KCNAB1: variants seen among roughly 807,000 people sequenced by gnomAD.
KCNAB1 encodes the protein voltage-gated potassium channel subunit beta-1.
Under a neutral mutation model 64.6 loss-of-function variants are expected in KCNAB1, and 35 were observed. The observed-to-expected ratio is 0.54, with a 90% CI of 0.41 to 0.72. The LOEUF (loss-of-function observed/expected upper bound fraction) is 0.72, where lower values mean the gene tolerates loss of function less well. KCNAB1 is among the 30% of genes least tolerant of loss of function. KCNAB1 has a pLI of 0.00. For missense variants in KCNAB1, 401 were observed against 512.9 expected (o/e 0.78, Z 2.11); for synonymous variants, 177 against 183.8 (o/e 0.96, Z 0.30).
intron 1 of KCNAB1, among the ~76,000 whole-genome samples, chr3:156,131,736 C>A (rs764800997): frequency 6.6e-6 from 1 of 152,166 alleles, no homozygotes; most frequent in Non-Finnish European, 1.5e-5. Flanking sequence ...CACAGTGAGA[C>A]CTTGTTTCAA....
chr3:156,139,688 T>C (rs2108277099), intron 1 of KCNAB1, among the ~76,000 whole-genome samples: 1 of 142,488 alleles, frequency 7.0e-6, no homozygotes, highest in East Asian at 2.2e-4. Flanking sequence ...GCTGCTAGGG[T>C]GAAAATGGAA....
At chr3:156,235,637 A>G (rs1716800971) in intron 1 of KCNAB1, among the ~76,000 whole-genome samples, 1 of 152,200 alleles carries the variant, frequency 6.6e-6, no homozygotes, top group South Asian at 2.1e-4. Context: ...CATGGCATAC[A>G]TTAAAGAAAT....
rs1221850990 is a variant in KCNAB1, at chr3:156,534,321, A to G, written c.1171-2337A>G. Among the ~76,000 whole-genome samples the G allele has an allele frequency of 3.3e-5, 5 of 152,184 alleles. No homozygotes were observed. In the South Asian group the frequency reaches 1.0e-3, roughly 32 times the overall value. On this transcript the variant is annotated intron_variant, in intron 13 of 13. Coordinates refer to ENST00000490337, the MANE Select transcript of KCNAB1 (RefSeq NM_172160.3). ...AAGATGTGCAGGAACGAAGGGGCGT[A>G]TATAAATCAGAGCCTGACAGATGGG...
chr3:156,205,615 G>C (rs1394754310), intron 1 of KCNAB1, among the ~76,000 whole-genome samples: 3 of 152,202 alleles, frequency 2.0e-5, no homozygotes, highest in South Asian at 4.2e-4. Flanking sequence ...AAGTCCAGTT[G>C]TTTCTAACAC....
intron 1 of KCNAB1, among the ~76,000 whole-genome samples, chr3:156,277,316 TA>T: frequency 6.6e-6 from 1 of 152,268 alleles, no homozygotes; most frequent in South Asian, 2.1e-4. Context: ...GTGAAAAGTT[TA>T]AAATGTTGTG....
chr3:156,157,275 C>T (rs180752041), intron 1 of KCNAB1, among the ~76,000 whole-genome samples: 76 of 152,290 alleles, frequency 5.0e-4, no homozygotes, highest in African/African-American at 1.8e-3. Flanking sequence ...TCCTACTTAA[C>T]AGAACTCTGA....
chr3:156,459,765 T>C lies in KCNAB1; in HGVS notation c.438-62T>C, dbSNP rs1712753353. 4.3e-5 allele frequency: 54 copies of C among 1,247,292 alleles called. 3 individuals carry two copies. The South Asian group carries it at 6.7e-4, about 15-fold the overall frequency. 77.3% of individuals were successfully genotyped at this position (1,247,292 alleles called of 1,614,324 possible). On this transcript the variant is annotated intron_variant, in intron 4 of 13. Transcript: ENST00000490337. Reference sequence around the variant, plus strand: ...CAAACAAGGAATGGTTCTTGTGTTCTGGATTGACTCTTGCTTTTCCAGGAC... The same window carrying C: ...CAAACAAGGAATGGTTCTTGTGTTCCGGATTGACTCTTGCTTTTCCAGGAC...
chr3:156,131,298 A>G lies in KCNAB1; in HGVS notation c.275+10412A>G, dbSNP rs115094127. Among the ~76,000 whole-genome samples the G allele has an allele frequency of 6.6e-4, 101 of 152,352 alleles. 2 individuals are homozygous for G. The highest frequency in any genetic ancestry group is 2.3e-3 in the African/African-American group (96 of 41,588). On this transcript the variant is annotated intron_variant, in intron 1 of 13. Coordinates refer to ENST00000490337, the MANE Select transcript of KCNAB1 (RefSeq NM_172160.3). Reference sequence around the variant, plus strand: ...CCCAACAGCCTCCCCAGGTATGTGAAATGTCGTCAGATGTCAGTTTTAGAG... The same window carrying G: ...CCCAACAGCCTCCCCAGGTATGTGAGATGTCGTCAGATGTCAGTTTTAGAG...
chr3:156,339,448 A>G (rs564729930), intron 1 of KCNAB1, among the ~76,000 whole-genome samples: 1 of 152,162 alleles, frequency 6.6e-6, no homozygotes, highest in African/African-American at 2.4e-5. Flanking sequence ...CTATTACCTC[A>G]TTTTACAGAG....
intron 11 of KCNAB1, among the ~76,000 whole-genome samples, chr3:156,522,541 A>G (rs1046666842): frequency 3.9e-5 from 6 of 152,214 alleles, no homozygotes; most frequent in Admixed American, 2.0e-4. Context: ...CATCTCCTCA[A>G]GCAGGCTACC....
chr3:156,317,186 G>C (rs1237598757), intron 1 of KCNAB1, among the ~76,000 whole-genome samples: 1 of 152,144 alleles, frequency 6.6e-6, no homozygotes, highest in African/African-American at 2.4e-5. Flanking sequence ...AGGTGGGATA[G>C]GTTTGTCAGC....
chr3:156,487,856 G>T (rs986031758), intron 8 of KCNAB1, among the ~76,000 whole-genome samples: 1 of 151,040 alleles, frequency 6.6e-6, no homozygotes, highest in South Asian at 2.1e-4. Flanking sequence ...TCTGACAAGA[G>T]AATTCACATA....
At position 156,525,705 on chromosome 3, in the gene KCNAB1, G is replaced by A. The variant is rs571578186; in HGVS notation, c.1081+1758G>A. Reference sequence around the variant, plus strand: ...TAATTTTTGTATTTTTAGTAGCGAAGGGGTTTCACCATGTTGGTCAGGCTG... The same window carrying A: ...TAATTTTTGTATTTTTAGTAGCGAAAGGGTTTCACCATGTTGGTCAGGCTG... On this transcript the variant is annotated intron_variant, in intron 12 of 13. Transcript: ENST00000490337. 4.5e-3 allele frequency among the ~76,000 whole-genome samples: 684 copies of A among 152,224 alleles called. 2 individuals are homozygous for A. Among genetic ancestry groups the A allele is most frequent in the Non-Finnish European group, 7.2e-3 (487 of 68,008 alleles).
At chr3:156,149,104 G>T (rs1369413669) in intron 1 of KCNAB1, among the ~76,000 whole-genome samples, 1 of 152,176 alleles carries the variant, frequency 6.6e-6, no homozygotes, top group Admixed American at 6.5e-5. Flanking sequence ...CCACCAGCTT[G>T]CAGTGTCTCT....
chr3:156,118,424 A>G (rs1713173450), upstream of KCNAB1: 1 of 403,218 alleles, frequency 2.5e-6, no homozygotes, highest in Middle Eastern at 3.5e-4. Context: ...TGAATGTTAC[A>G]TAGCACCACT....
chr3:156,426,477 A>G (rs968019413), intron 2 of KCNAB1, among the ~76,000 whole-genome samples: 2 of 152,210 alleles, frequency 1.3e-5, no homozygotes, highest in African/African-American at 4.8e-5. Flanking sequence ...CAGTGCCACA[A>G]CATTATCAAC....
Position 156,508,070 on chromosome 3 carries a change from G to A in KCNAB1, c.659-6294G>A, listed in dbSNP as rs1404985546. On this transcript the variant is annotated intron_variant, in intron 8 of 13. Coordinates refer to ENST00000490337, the MANE Select transcript of KCNAB1 (RefSeq NM_172160.3). The surrounding 1 kb of genome is among the most constrained non-coding windows in gnomAD (Gnocchi z 4.1). ...TTCCACTAAATAATACAATTATTTT[G>A]CATGTTTTTTCTCAGTATTTTGCAA... Among the ~76,000 whole-genome samples, 3 of 151,996 alleles carry A rather than the reference G, an allele frequency of 2.0e-5. No homozygotes were observed. Among genetic ancestry groups the A allele is most frequent in the African/African-American group, 7.2e-5 (3 of 41,410 alleles).
chr3:156,213,299 GC>G, intron 1 of KCNAB1, among the ~76,000 whole-genome samples: 1 of 151,140 alleles, frequency 6.6e-6, no homozygotes, highest in East Asian at 2.0e-4. Flanking sequence ...GCTCACTGCA[GC>G]CTCAAATTTT....
intron 1 of KCNAB1, among the ~76,000 whole-genome samples, chr3:156,246,634 C>CA (rs11293726): frequency 0.13 from 16,369 of 125,798 alleles, 1,082 homozygotes; most frequent in Non-Finnish European, 0.16. Context: ...AAAAAAGCAG[C>CA]AAAAAAAAAA....
Sources: gnomAD v4.1 joint callset for allele counts (sites outside exome capture counted in the v4.1 genomes callset) on GRCh38, gnomAD v4.1.1 for gene constraint, Gnocchi (gnomAD v3.1) non-coding constraint, MANE v1.5 for transcripts, NCBI Gene and HGNC (gene_info 2026-07-23, HGNC 2026-07-21) for gene names.